Variants in HSPG2 observed in about 807,000 individuals in gnomAD.
HSPG2 encodes the protein heparan sulfate proteoglycan 2, also known as basement membrane-specific heparan sulfate proteoglycan core protein.
HSPG2 carries 278 observed loss-of-function variants against 526.6 expected under a neutral mutation model. The observed-to-expected ratio is 0.53, with a 90% CI of 0.48 to 0.58. The LOEUF is 0.58. Ranked by LOEUF, HSPG2 falls within the 20% of genes least tolerant of loss-of-function variation. The pLI is 0.00. For missense variants in HSPG2, 5,354 were observed against 6,099.5 expected (o/e 0.88, Z 4.07); for synonymous variants, 2,465 against 2,555.4 (o/e 0.96, Z 1.07).
At chr1:21,869,685 A>G (rs1343618321) in intron 33 of HSPG2, 1 of 986,002 alleles carries the variant, frequency 1.0e-6, no homozygotes, top group Admixed American at 6.1e-5. Flanking sequence ...GGAGCCGAAG[A>G]GCGGCAGAAG....
chr1:21,853,981 C>A, intron 50 of HSPG2: 1 of 529,758 alleles, frequency 1.9e-6, no homozygotes. Flanking sequence ...CTGACAAATT[C>A]TGAAACAGTC....
In HSPG2 at chr1:21,842,112, G is replaced by A. The variant is rs1374881907; in HGVS notation, c.9083C>T (p.Pro3028Leu). ...RLRSPVISID[P>L]PSSTVQQGQD... ...GCCCTGCTGCACGGTGCTGCTGGGC[G>A]GGTCGATGGAGATGACCGGGCTCCT... is the stretch of plus-strand genomic sequence containing the variant. The change falls in exon 69 of 97, where the codon CCG (proline) becomes CTG (leucine). Residue 3028 changes from proline (P) to leucine (L), a missense_variant. Physicochemically the swap from Pro to Leu is moderately conservative, Grantham distance 98 (BLOSUM62 -3). Transcript: ENST00000374695. The A allele has an allele frequency of 6.8e-6, 11 of 1,613,698 alleles. No individual in the cohort carries two copies. The highest frequency in any genetic ancestry group is 1.1e-5 in the South Asian group (1 of 91,090).
At chr1:21,861,052 A>G (rs1298052524) in intron 39 of HSPG2, among the ~76,000 whole-genome samples, 3 of 152,214 alleles carry the variant, frequency 2.0e-5, no homozygotes, top group African/African-American at 7.2e-5. Context: ...CTTTTCTTTC[A>G]GATAACTTAA....
chr1:21,837,110 C>G, intron 74 of HSPG2, 104 bp from the exon 75 acceptor site: 1 of 1,013,260 alleles, frequency 9.9e-7, no homozygotes, highest in Admixed American at 2.0e-5. Context: ...AAGGAATGTT[C>G]TCCTGATAGC....
chr1:21,888,373 G>A (rs1262372070), intron 6 of HSPG2, among the ~76,000 whole-genome samples: 2 of 152,284 alleles, frequency 1.3e-5, no homozygotes, highest in East Asian at 3.8e-4. Context: ...CAAAGAAGGA[G>A]GGGAGAAGGG....
In HSPG2 at chr1:21,930,953, C is replaced by T. The variant is rs1255400248; in HGVS notation, c.63+6202G>A. 3.9e-5 allele frequency among the ~76,000 whole-genome samples: 6 copies of T among 152,166 alleles called. No homozygotes were observed. In the East Asian group the frequency reaches 1.2e-3, roughly 29 times the overall value. On this transcript the variant is annotated intron_variant, in intron 1 of 96. Transcript: ENST00000374695. ...CCTAAAACCCAGAGCAACAGGACAC[C>T]CTCCTTCATGGCTCAGGGAATGGGC... is the stretch of plus-strand genomic sequence containing the variant.
chr1:21,916,984 A>C (rs1330105007), intron 1 of HSPG2, among the ~76,000 whole-genome samples: 2 of 152,208 alleles, frequency 1.3e-5, no homozygotes, highest in African/African-American at 4.8e-5. Flanking sequence ...GGCTAACGGA[A>C]ATCGAACATG....
Position 21,885,460 on chromosome 1 carries a change from A to C in HSPG2, c.1079-9T>G, listed in dbSNP as rs1479180298. 1.9e-6 allele frequency: 3 copies of C among 1,613,786 alleles called. No homozygotes were observed. The African/African-American group carries it at 4.0e-5, about 22-fold the overall frequency. ...CTCAGGACGCTTGGTGGCTGGGGACAAAGCCAGGTGGTTCCCAATAGCCCA... is the reference window on the plus strand; with the variant it reads ...CTCAGGACGCTTGGTGGCTGGGGACCAAGCCAGGTGGTTCCCAATAGCCCA... On this transcript the variant is annotated splice_polypyrimidine_tract_variant and intron_variant, in intron 9 of 96. Coordinates refer to ENST00000374695, the MANE Select transcript of HSPG2 (RefSeq NM_005529.7).
rs185699112 is a variant in HSPG2, at chr1:21,838,098, T to C, written c.10150+727A>G. Reference sequence around the variant, plus strand: ...TTGCAGTGAACCGAGATCATGCCACTGCACTCCAGCCTGGGTGAAAGAGTG... The same window carrying C: ...TTGCAGTGAACCGAGATCATGCCACCGCACTCCAGCCTGGGTGAAAGAGTG... On this transcript the variant is annotated intron_variant, in intron 74 of 96. Transcript: ENST00000374695. Among the ~76,000 whole-genome samples, 58 of 131,678 alleles carry C rather than the reference T, an allele frequency of 4.4e-4. 1 individual carries two copies. In the Admixed American group the frequency reaches 5.1e-3, roughly 12 times the overall value. The allele number at this position is 131,678 out of a possible 152,430, so 86.4% of individuals were successfully genotyped here. A position where few individuals can be genotyped will look rare whatever the true frequency, so the allele number is the denominator to read the frequency against.
intron 13 of HSPG2, among the ~76,000 whole-genome samples, chr1:21,882,125 G>A (rs1042618235): frequency 6.6e-6 from 1 of 151,982 alleles, no homozygotes; most frequent in Non-Finnish European, 1.5e-5. Flanking sequence ...TTTGCAGCCA[G>A]ACTTCTCAGG....
Position 21,874,432 on chromosome 1 carries a change from G to C in HSPG2, c.3630C>G (p.Pro1210=). 1 of 1,611,778 alleles carries C rather than the reference G, an allele frequency of 6.2e-7. No homozygotes were observed. The highest frequency in any genetic ancestry group is 2.2e-5 in the East Asian group (1 of 44,874). The change falls in exon 28 of 97, where the codon CCC becomes CCG. Residue 1210 remains proline (P), a synonymous_variant. Transcript: ENST00000374695. ...GGCCGGCAGCAGGGTCTCCGTAGCA[G>C]GGGCACAGCTGGCAGTCCTGTGGTG... is the stretch of plus-strand genomic sequence containing the variant. The part of the protein sequence containing the change: ...RGTPQDCQLC[P]CYGDPAAGQA...
intron 1 of HSPG2, among the ~76,000 whole-genome samples, chr1:21,936,430 C>A (rs566399823): frequency 6.6e-6 from 1 of 152,094 alleles, no homozygotes; most frequent in African/African-American, 2.4e-5. Context: ...CATCCCCGCA[C>A]CACGCACTTT....
Position 21,874,792 on chromosome 1 carries a change from T to C in HSPG2, c.3415-63A>G. 3 of 1,519,710 alleles carry C rather than the reference T, an allele frequency of 2.0e-6. No homozygotes were observed. In the South Asian group the frequency reaches 3.5e-5, roughly 18 times the overall value. 94.1% of individuals were successfully genotyped at this position (1,519,710 alleles called of 1,614,324 possible). On this transcript the variant is annotated intron_variant, in intron 26 of 96. Transcript: ENST00000374695. ...ACACGGCCCATTCAGGTAGGGGCACTGGATGGCCAGGGCTGGGGAGGTGTG... is the reference window on the plus strand; with the variant it reads ...ACACGGCCCATTCAGGTAGGGGCACCGGATGGCCAGGGCTGGGGAGGTGTG...
intron 1 of HSPG2, among the ~76,000 whole-genome samples, chr1:21,896,924 T>C (rs1308926233): frequency 6.6e-6 from 1 of 152,224 alleles, no homozygotes; most frequent in Non-Finnish European, 1.5e-5. Context: ...GGCTCATCCC[T>C]GGGCCCAGCA....
At chr1:21,868,873 A>G in intron 33 of HSPG2, 1 of 944,134 alleles carries the variant, frequency 1.1e-6, no homozygotes, top group Non-Finnish European at 1.3e-6. Flanking sequence ...AATCCCCCCA[A>G]ATCCTTGTTA....
chr1:21,935,661 G>T (rs893178731), intron 1 of HSPG2, among the ~76,000 whole-genome samples: 2 of 152,210 alleles, frequency 1.3e-5, no homozygotes, highest in African/African-American at 2.4e-5. Flanking sequence ...CCATCCTACC[G>T]CACCCGGGCA....
chr1:21,860,074 G>T (rs559603002), intron 40 of HSPG2, 72 bp from the exon 41 acceptor site: 46 of 1,597,714 alleles, frequency 2.9e-5, no homozygotes, highest in Non-Finnish European at 3.8e-5. Flanking sequence ...CCAAAAGCTG[G>T]GGTACCCCAC....
intron 76 of HSPG2, chr1:21,835,150 T>C (rs897730146): frequency 8.9e-6 from 6 of 674,428 alleles, no homozygotes; most frequent in African/African-American, 3.6e-5. Flanking sequence ...TTCTTTTTTT[T>C]TTTTAGACAA....
rs2152771980 is a variant in HSPG2 at position 21,895,067 on chromosome 1, T to C, written c.244+855A>G. On this transcript the variant is annotated intron_variant, in intron 3 of 96. Transcript: ENST00000374695. This position sits in a 1 kb window ranked among gnomAD's most constrained non-coding sequence, Gnocchi z 4.1. ...AGCTAAAGGGAGGTGACTCCACCCCTGAAGTAGGCCCAGGCCAGATTTGGC... is the reference window on the plus strand; with the variant it reads ...AGCTAAAGGGAGGTGACTCCACCCCCGAAGTAGGCCCAGGCCAGATTTGGC... Among the ~76,000 whole-genome samples, 1 of 152,256 alleles carries C rather than the reference T, an allele frequency of 6.6e-6. No homozygotes were observed. Among genetic ancestry groups the C allele is most frequent in the African/African-American group, 2.4e-5 (1 of 41,512 alleles).
Sources: gnomAD v4.1 joint callset for allele counts (sites outside exome capture counted in the v4.1 genomes callset) on GRCh38, gnomAD v4.1.1 for gene constraint, Gnocchi (gnomAD v3.1) non-coding constraint, MANE v1.5 for transcripts, NCBI Gene and HGNC (gene_info 2026-07-23, HGNC 2026-07-21) for gene names.